Variants in CSMD1 observed in about 807,000 individuals in gnomAD.
CSMD1 encodes CUB and Sushi multiple domains 1.
A neutral mutation model predicts 417.5 loss-of-function variants in CSMD1; 213 were observed. The ratio of observed to expected loss-of-function variants is 0.51; its 90% confidence interval spans 0.46 to 0.57. The LOEUF is 0.57. Among genes scored for constraint, CSMD1 ranks in the 20% least tolerant of loss-of-function variants. The pLI, the probability that CSMD1 is intolerant of heterozygous loss-of-function variation, is 0.00. For missense variants in CSMD1, 6,923 were observed against 4,529.7 expected (o/e 1.53, Z -15.17); for synonymous variants, 2,862 against 1,736.8 (o/e 1.65, Z -16.11).
intron 1 of CSMD1, among the ~76,000 whole-genome samples, chr8:4,733,003 T>C (rs1233071920): frequency 1.4e-5 from 2 of 147,980 alleles, no homozygotes; most frequent in Non-Finnish European, 3.0e-5. Context: ...ACGCTCCTCT[T>C]TCATTTGCAC....
chr8:4,916,411 C>G (rs1806071282), intron 1 of CSMD1, among the ~76,000 whole-genome samples: 2 of 152,172 alleles, frequency 1.3e-5, no homozygotes, highest in Non-Finnish European at 2.9e-5. Flanking sequence ...CACATATGCA[C>G]ATATAAATAT....
intron 18 of CSMD1, among the ~76,000 whole-genome samples, chr8:3,380,739 C>A (rs55906205): frequency 6.6e-6 from 1 of 151,922 alleles, no homozygotes; most frequent in African/African-American, 2.4e-5. Flanking sequence ...GGGTCCTGTT[C>A]GGAGAATGCA....
At chr8:4,036,364 G>T (rs1281164623) in intron 3 of CSMD1, among the ~76,000 whole-genome samples, 1 of 152,062 alleles carries the variant, frequency 6.6e-6, no homozygotes, top group Non-Finnish European at 1.5e-5. Context: ...TTGTTACCAT[G>T]GTACTGCGCA....
intron 1 of CSMD1, among the ~76,000 whole-genome samples, chr8:4,894,003 T>G (rs1193979294): frequency 2.6e-5 from 4 of 152,064 alleles, no homozygotes; most frequent in Non-Finnish European, 5.9e-5. Flanking sequence ...ACATCTGTTA[T>G]GTATAGATAC....
intron 39 of CSMD1, among the ~76,000 whole-genome samples, chr8:3,155,081 AG>A (rs1318208594): frequency 6.6e-6 from 1 of 151,788 alleles, no homozygotes; most frequent in African/African-American, 2.4e-5. Context: ...GTTAAGTAAA[AG>A]AGAAAAGCCT....
chr8:4,320,773 T>A (rs567184202), intron 3 of CSMD1, among the ~76,000 whole-genome samples: 5 of 152,302 alleles, frequency 3.3e-5, no homozygotes, highest in Non-Finnish European at 5.9e-5. Context: ...GGCATTTGGA[T>A]TGGTGATTCC....
At chr8:4,840,790 C>T (rs1012766528) in intron 1 of CSMD1, among the ~76,000 whole-genome samples, 2 of 152,198 alleles carry the variant, frequency 1.3e-5, no homozygotes, top group Admixed American at 1.3e-4. Flanking sequence ...TGTCGTTATG[C>T]ACAGGGCTTT....
Position 4,857,006 on chromosome 8 carries a change from A to G in CSMD1, c.85+137326T>C, listed in dbSNP as rs1446119082. ...CCACACCTATTCCAAAATTGACCAC[A>G]TACTGGGAAGTAAAGCTCTCCTCAG... On this transcript the variant is annotated intron_variant, in intron 1 of 69. Transcript: ENST00000635120. 6.0e-5 allele frequency among the ~76,000 whole-genome samples: 9 copies of G among 149,836 alleles called. No homozygotes were observed. The East Asian group carries it at 7.8e-4, about 13-fold the overall frequency.
At position 3,108,538 on chromosome 8, in the gene CSMD1, A is replaced by G; in HGVS notation, c.6754+65T>C. 1.3e-5 allele frequency: 20 copies of G among 1,529,598 alleles called. No homozygotes were observed. The South Asian group carries it at 2.4e-4, about 18-fold the overall frequency. 94.8% of individuals were successfully genotyped at this position (1,529,598 alleles called of 1,614,324 possible). A position where few individuals can be genotyped will look rare whatever the true frequency, so the allele number is the denominator to read the frequency against. On this transcript the variant is annotated intron_variant, in intron 44 of 69. Transcript: ENST00000635120. Reference sequence around the variant, plus strand: ...ACTTCAGCTGGAAACAAGGCGTGGGACAACACTGCAGGAAACACCACATGG... The same window carrying G: ...ACTTCAGCTGGAAACAAGGCGTGGGGCAACACTGCAGGAAACACCACATGG...
intron 1 of CSMD1, among the ~76,000 whole-genome samples, chr8:4,683,690 C>T (rs567992607): frequency 2.6e-5 from 4 of 152,322 alleles, no homozygotes; most frequent in African/African-American, 9.6e-5. Flanking sequence ...GGCTCTGTTT[C>T]CTTGGGGTCC....
At chr8:3,967,055 T>C (rs1033860919) in intron 5 of CSMD1, among the ~76,000 whole-genome samples, 3 of 152,182 alleles carry the variant, frequency 2.0e-5, no homozygotes, top group Non-Finnish European at 4.4e-5. Flanking sequence ...AATCCAGATA[T>C]TGAAATCAGA....
At chr8:3,445,980 G>C (rs1198091672) in intron 12 of CSMD1, among the ~76,000 whole-genome samples, 1 of 152,196 alleles carries the variant, frequency 6.6e-6, no homozygotes, top group Non-Finnish European at 1.5e-5. Flanking sequence ...GGGCACAACA[G>C]AGGGAGAAGG....
chr8:2,984,284 G>C (rs771866159), intron 54 of CSMD1, among the ~76,000 whole-genome samples: 10 of 152,318 alleles, frequency 6.6e-5, no homozygotes, highest in South Asian at 4.1e-4. Context: ...GCACAGGAGG[G>C]AGAGGTAGGA....
At chr8:4,141,536 A>C (rs781437895) in intron 3 of CSMD1, among the ~76,000 whole-genome samples, 1 of 151,168 alleles carries the variant, frequency 6.6e-6, no homozygotes, top group Non-Finnish European at 1.5e-5. Flanking sequence ...ACACATGTAC[A>C]AACAAAGGGG....
chr8:3,435,546 G>T (rs1321790263), intron 12 of CSMD1, among the ~76,000 whole-genome samples: 1 of 152,056 alleles, frequency 6.6e-6, no homozygotes, highest in African/African-American at 2.4e-5. Context: ...CTCTCCGCCT[G>T]CATGGAGACT....
intron 11 of CSMD1, among the ~76,000 whole-genome samples, chr8:3,481,059 G>C (rs1276268838): frequency 6.6e-6 from 1 of 151,142 alleles, no homozygotes; most frequent in Non-Finnish European, 1.5e-5. Context: ...GGGAGGCTGA[G>C]GCAGGAGAGT....
At chr8:3,856,872 A>C (rs1374654002) in intron 5 of CSMD1, among the ~76,000 whole-genome samples, 1 of 152,152 alleles carries the variant, frequency 6.6e-6, no homozygotes, top group Non-Finnish European at 1.5e-5. Context: ...CATGGACATG[A>C]GTCATGAAAT....
At chr8:2,953,964 G>T (rs976784977) in intron 65 of CSMD1, among the ~76,000 whole-genome samples, 1 of 152,232 alleles carries the variant, frequency 6.6e-6, no homozygotes, top group African/African-American at 2.4e-5. Context: ...ACCAAATGCC[G>T]AAGGCAAGTT....
chr8:3,870,514 C>T (rs544499331), intron 5 of CSMD1, among the ~76,000 whole-genome samples: 31 of 152,056 alleles, frequency 2.0e-4, no homozygotes, highest in Admixed American at 2.6e-4. Flanking sequence ...AAAAATTTAC[C>T]GTTTGAGAGC....
Sources: allele counts gnomAD v4.1 joint callset (sites outside exome capture counted in the v4.1 genomes callset), GRCh38; gene constraint gnomAD v4.1.1; transcripts MANE v1.5; gene names NCBI Gene and HGNC (gene_info 2026-07-23, HGNC 2026-07-21).